The following RAB33A variants were observed in gnomAD, a reference collection of about 807,000 sequenced individuals.
RAB33A encodes ras-related protein Rab-33A.
RAB33A carries 6 observed loss-of-function variants against 12.0 expected under a neutral mutation model. The observed-to-expected ratio is 0.50, with a 90% CI of 0.27 to 0.99. RAB33A has a LOEUF of 0.99. Among genes scored for constraint, RAB33A ranks in the 50% least tolerant of loss-of-function variants. RAB33A has a pLI of 0.11. For synonymous variants in RAB33A, 70 were observed against 82.4 expected (o/e 0.85, Z 0.81); for missense variants, 109 against 192.0 (o/e 0.57, Z 2.55).
At chrX:130,152,017 C>T in the RAB33A span, among the ~76,000 whole-genome samples, 1 of 107,180 alleles carries the variant, frequency 9.3e-6, no homozygotes, top group African/African-American at 3.4e-5. Flanking sequence ...CCAGCCTGGG[C>T]GACAGAGCGA....
At chrX:130,166,232 C>CGGAACCTGGCTTCCCAGATCCGGCGT in the RAB33A span, among the ~76,000 whole-genome samples, 34 of 111,997 alleles carry the variant, frequency 3.0e-4, no homozygotes, top group Non-Finnish European at 5.6e-4. Context: ...GTCCGAGGCG[C>CGGAACCTGGCTTCCCAGATCCGGCGT]GGAACCTGGC....
At chrX:130,132,548 CTTTTTT>C in the RAB33A span, among the ~76,000 whole-genome samples, 1 of 111,690 alleles carries the variant, frequency 9.0e-6, no homozygotes, top group Non-Finnish European at 1.9e-5. Context: ...CTCCACTTTT[CTTTTTT>C]TTAACTTTTA....
chrX:130,172,391 G>C, intron 1 of RAB33A, 71 bp downstream of exon 1: 1 of 1,120,063 alleles, frequency 8.9e-7, no homozygotes, highest in Non-Finnish European at 1.2e-6. Context: ...TAGCTCTAGC[G>C]GTTGTCGTCG....
At chrX:130,117,376 G>A in the RAB33A span, among the ~76,000 whole-genome samples, 4 of 112,121 alleles carry the variant, frequency 3.6e-5, no homozygotes, top group Admixed American at 9.4e-5. Context: ...CACAGGAGGC[G>A]CTGCTGGCTG....
At chrX:130,150,203 C>T in the RAB33A span, among the ~76,000 whole-genome samples, 21 of 111,476 alleles carry the variant, frequency 1.9e-4, no homozygotes, top group African/African-American at 6.2e-4. Flanking sequence ...TGCTTAAACA[C>T]ACCTGTTACA....
chrX:130,131,645 T>C, the RAB33A span: 3 of 1,210,794 alleles, frequency 2.5e-6, no homozygotes, highest in Admixed American at 6.5e-5. Flanking sequence ...TTCTCAACAC[T>C]CTCCAAGAGG....
upstream of RAB33A, among the ~76,000 whole-genome samples, chrX:130,167,509 T>G (rs1265846008): frequency 5.6e-4 from 63 of 112,059 alleles, no homozygotes; most frequent in African/African-American, 2.0e-3. Flanking sequence ...TTGGGAGGCC[T>G]AGGCGGGTGA....
At chrX:130,163,875 G>A in the RAB33A span, among the ~76,000 whole-genome samples, 2 of 110,548 alleles carry the variant, frequency 1.8e-5, no homozygotes, top group South Asian at 7.6e-4. Context: ...TCAGGTTATC[G>A]CCGGGCGCGG....
At chrX:130,156,496 T>C in the RAB33A span, 1 of 1,211,711 alleles carries the variant, frequency 8.3e-7, no homozygotes, top group Non-Finnish European at 1.1e-6. Flanking sequence ...AAGCCCACAA[T>C]AAGGACTAAC....
chrX:130,139,272 C>T, the RAB33A span, among the ~76,000 whole-genome samples: 1 of 108,439 alleles, frequency 9.2e-6, no homozygotes, highest in African/African-American at 3.4e-5. Context: ...GCGGAGGTTG[C>T]AGTGAGCCAA....
the RAB33A span, among the ~76,000 whole-genome samples, chrX:130,160,282 T>C: frequency 8.9e-6 from 1 of 111,813 alleles, no homozygotes; most frequent in East Asian, 2.8e-4. Flanking sequence ...TTTTAGGAAA[T>C]ATTACATCGT....
upstream of RAB33A, among the ~76,000 whole-genome samples, chrX:130,169,780 T>A (rs953209864): frequency 3.6e-5 from 4 of 112,404 alleles, no homozygotes; most frequent in African/African-American, 6.5e-5. Context: ...TATGTTTTTT[T>A]AATATCTCTC....
chrX:130,138,784 T>G, the RAB33A span: 1 of 682,637 alleles, frequency 1.5e-6, no homozygotes, highest in Non-Finnish European at 2.4e-6. Flanking sequence ...CTTCTAAATC[T>G]TTGGCAAAAG....
the RAB33A span, among the ~76,000 whole-genome samples, chrX:130,163,324 A>T: frequency 9.7e-6 from 1 of 102,994 alleles, no homozygotes; most frequent in African/African-American, 3.7e-5. Flanking sequence ...AAAAAAAAAA[A>T]GTTTAAAGGT....
At chrX:130,173,454 C>T (rs2031633979) in intron 1 of RAB33A, among the ~76,000 whole-genome samples, 1 of 111,543 alleles carries the variant, frequency 9.0e-6, no homozygotes, top group Non-Finnish European at 1.9e-5. Flanking sequence ...CTCTGAGTGA[C>T]GTGGAGAGAA....
chrX:130,113,730 A>G, the RAB33A span, among the ~76,000 whole-genome samples: 1 of 111,525 alleles, frequency 9.0e-6, no homozygotes, highest in African/African-American at 3.3e-5. Flanking sequence ...GGCCCTAGTT[A>G]TTTTTAAATG....
At chrX:130,149,584 T>C in the RAB33A span, 5 of 1,110,749 alleles carry the variant, frequency 4.5e-6, no homozygotes, top group South Asian at 1.8e-5. Flanking sequence ...GATCCAAACA[T>C]GGAGAAAGTT....
the RAB33A span, chrX:130,130,293 T>C: frequency 1.3e-6 from 1 of 755,279 alleles, no homozygotes; most frequent in Non-Finnish European, 2.0e-6. Context: ...AGAGGATTTA[T>C]TTCTCTATGC....
chrX:130,129,718 A>T, the RAB33A span: 1 of 891,929 alleles, frequency 1.1e-6, no homozygotes, highest in Non-Finnish European at 1.6e-6. Flanking sequence ...GGCAGTCCCC[A>T]TATCACACTG....
Sources: allele counts gnomAD v4.1 joint callset (sites outside exome capture counted in the v4.1 genomes callset), GRCh38; gene constraint gnomAD v4.1.1; transcripts MANE v1.5; gene names NCBI Gene and HGNC (gene_info 2026-07-23, HGNC 2026-07-21).